Variants in VPS13B observed in about 807,000 individuals in gnomAD.
VPS13B encodes vacuolar protein sorting 13 homolog B.
In VPS13B, 285 loss-of-function variants were observed where a neutral mutation model predicts 426.4. The observed-to-expected ratio is 0.67, with a 90% CI of 0.61 to 0.74. VPS13B has a LOEUF of 0.74. Ranked by LOEUF, VPS13B falls within the 30% of genes least tolerant of loss-of-function variation. The pLI is 0.00. For synonymous variants in VPS13B, 1,676 were observed against 1,676.4 expected (o/e 1.00, Z 0.01); for missense variants, 4,537 against 4,782.6 (o/e 0.95, Z 1.51).
chr8:99,077,390 G>T (rs1845189817), intron 3 of VPS13B, among the ~76,000 whole-genome samples: 1 of 151,870 alleles, frequency 6.6e-6, no homozygotes. Context: ...GGCTGGTCTC[G>T]AACTCCCGAC....
At chr8:99,642,822 C>G (rs866304297) in intron 34 of VPS13B, among the ~76,000 whole-genome samples, 4 of 152,038 alleles carry the variant, frequency 2.6e-5, no homozygotes, top group Admixed American at 6.6e-5. Context: ...ATTAATGGCC[C>G]ATAGGTATGC....
At chr8:99,590,271 C>G (rs1053220402) in intron 33 of VPS13B, among the ~76,000 whole-genome samples, 8 of 151,954 alleles carry the variant, frequency 5.3e-5, no homozygotes, top group African/African-American at 1.9e-4. Context: ...TTTTGTTGAT[C>G]TTTTCAAAAA....
In VPS13B at chr8:99,055,033, G is replaced by GTTT. The variant is rs775826222; in HGVS notation, c.291+16475_291+16477dup. ...AATAAGCTTCCTATTTTGTATTTCT[G>GTTT]TTTTTTTTTTGTTTTTTTTTTTGTT... On this transcript the variant is annotated intron_variant, in intron 3 of 61. Transcript: ENST00000357162. Among the ~76,000 whole-genome samples the GTTT allele has an allele frequency of 3.5e-3, 388 of 109,310 alleles. 4 individuals are homozygous for GTTT. Among genetic ancestry groups the GTTT allele is most frequent in the South Asian group, 6.0e-3 (15 of 2,514 alleles). The allele number at this position is 109,310 out of a possible 152,430, so 71.7% of individuals were successfully genotyped here. A position where few individuals can be genotyped will look rare whatever the true frequency, so the allele number is the denominator to read the frequency against.
chr8:99,266,424 A>G (rs917012447), intron 17 of VPS13B, among the ~76,000 whole-genome samples: 2 of 151,954 alleles, frequency 1.3e-5, no homozygotes, highest in Non-Finnish European at 2.9e-5. Context: ...AAAAAAAAGA[A>G]AAAAAAATAG....
At chr8:99,360,236 C>T (rs1443087559) in intron 19 of VPS13B, among the ~76,000 whole-genome samples, 3 of 83,956 alleles carry the variant, frequency 3.6e-5, no homozygotes, top group African/African-American at 9.8e-5. Flanking sequence ...CTTTCTTTCT[C>T]TCTCTCCTTC....
chr8:99,135,263 A>C (rs367651354), intron 10 of VPS13B, 126 bp downstream of exon 10: 9 of 1,383,130 alleles, frequency 6.5e-6, no homozygotes, highest in Non-Finnish European at 8.8e-6. Flanking sequence ...GAGCTTTACT[A>C]TTTCTCCCTG....
intron 16 of VPS13B, among the ~76,000 whole-genome samples, chr8:99,189,417 G>C (rs1378682008): frequency 6.6e-6 from 1 of 152,144 alleles, no homozygotes; most frequent in Non-Finnish European, 1.5e-5. Flanking sequence ...AATGCCCATA[G>C]AATTTTTTCC....
At chr8:99,726,972 G>A (rs1397077101) in intron 39 of VPS13B, among the ~76,000 whole-genome samples, 1 of 152,184 alleles carries the variant, frequency 6.6e-6, no homozygotes, top group Admixed American at 6.5e-5. Flanking sequence ...GGGCATTTCT[G>A]ATCACTTGTG....
At chr8:99,528,484 AACC>A (rs1409890490) in intron 30 of VPS13B, among the ~76,000 whole-genome samples, 6 of 152,138 alleles carry the variant, frequency 3.9e-5, no homozygotes. Flanking sequence ...TCAAGACTTC[AACC>A]ACATTATCTT....
At chr8:99,315,913 C>G (rs549762375) in intron 19 of VPS13B, among the ~76,000 whole-genome samples, 4 of 152,174 alleles carry the variant, frequency 2.6e-5, no homozygotes, top group African/African-American at 9.6e-5. Context: ...TGATATCTGC[C>G]CATTGGTAGA....
chr8:99,573,557 A>T (rs956740567), intron 31 of VPS13B, among the ~76,000 whole-genome samples: 2 of 152,210 alleles, frequency 1.3e-5, no homozygotes, highest in East Asian at 3.8e-4. Flanking sequence ...TAAAAAGGGA[A>T]TACTTTCCCC....
intron 2 of VPS13B, among the ~76,000 whole-genome samples, chr8:99,035,869 G>A (rs2132213959): frequency 6.6e-6 from 1 of 152,200 alleles, no homozygotes; most frequent in East Asian, 1.9e-4. Context: ...ATATCTCATT[G>A]TGGTTTTTTT....
At chr8:99,679,794 C>T (rs1222547248) in intron 35 of VPS13B, among the ~76,000 whole-genome samples, 2 of 152,142 alleles carry the variant, frequency 1.3e-5, no homozygotes, top group Non-Finnish European at 2.9e-5. Context: ...GTGAATACTC[C>T]GTCTCCCTTG....
intron 17 of VPS13B, among the ~76,000 whole-genome samples, chr8:99,272,231 G>T (rs1818643030): frequency 6.6e-6 from 1 of 152,158 alleles, no homozygotes; most frequent in South Asian, 2.1e-4. Context: ...AAGGGAAAAA[G>T]AAGCAAAATT....
chr8:99,297,585 A>G (rs1820114582), intron 19 of VPS13B, among the ~76,000 whole-genome samples: 1 of 152,156 alleles, frequency 6.6e-6, no homozygotes, highest in African/African-American at 2.4e-5. Context: ...ATGTCATTTT[A>G]CTGTTCTGAT....
chr8:99,648,746 A>G, intron 34 of VPS13B, among the ~76,000 whole-genome samples: 1 of 152,256 alleles, frequency 6.6e-6, no homozygotes, highest in South Asian at 2.1e-4. Context: ...TTGTTTCAGT[A>G]ATCTTATATA....
chr8:99,494,499 G>T (rs1820787354), intron 25 of VPS13B, among the ~76,000 whole-genome samples: 2 of 151,906 alleles, frequency 1.3e-5, no homozygotes, highest in South Asian at 4.1e-4. Flanking sequence ...TTTATTGTTT[G>T]CTTTTAATGC....
At chr8:99,598,605 G>A (rs1827130892) in intron 33 of VPS13B, among the ~76,000 whole-genome samples, 1 of 151,962 alleles carries the variant, frequency 6.6e-6, no homozygotes. Flanking sequence ...CATGTTTTTA[G>A]GGGCAAAGAA....
intron 37 of VPS13B, among the ~76,000 whole-genome samples, chr8:99,719,743 C>T (rs1387808808): frequency 6.6e-6 from 1 of 152,126 alleles, no homozygotes; most frequent in African/African-American, 2.4e-5. Context: ...AGAGGAAACA[C>T]TAAGTCCTTT....
Sources: gnomAD v4.1 joint callset for allele counts (sites outside exome capture counted in the v4.1 genomes callset) on GRCh38, gnomAD v4.1.1 for gene constraint, MANE v1.5 for transcripts, NCBI Gene and HGNC (gene_info 2026-07-23, HGNC 2026-07-21) for gene names.